KAZN: variants seen among roughly 807,000 people sequenced by gnomAD.
The protein encoded by KAZN is kazrin, periplakin interacting protein.
Under a neutral mutation model 87.4 loss-of-function variants are expected in KAZN, and 40 were observed. That is an observed-to-expected ratio of 0.46 (90% CI 0.36 to 0.60). The LOEUF (loss-of-function observed/expected upper bound fraction) is 0.60. Among genes scored for constraint, KAZN ranks in the 20% least tolerant of loss-of-function variants. The pLI is 0.00. For missense variants in KAZN, 898 were observed against 1,073.9 expected, an observed-to-expected ratio of 0.84 and a Z score of 2.29; for synonymous variants, 466 against 458.3, an observed-to-expected ratio of 1.02 and a Z score of -0.22.
chr1:14,804,132 T>C (rs1646129281), intron 1 of KAZN, among the ~76,000 whole-genome samples: 2 of 152,228 alleles, frequency 1.3e-5, no homozygotes, highest in Non-Finnish European at 2.9e-5. Flanking sequence ...CCTGGTGTCA[T>C]CTTTGGACAT....
At chr1:14,125,667 C>A (rs1644848616) in intron 1 of KAZN, among the ~76,000 whole-genome samples, 1 of 152,122 alleles carries the variant, frequency 6.6e-6, no homozygotes, top group African/African-American at 2.4e-5. Context: ...CAACTCCAGC[C>A]TTCAGAACTG....
In KAZN at chr1:14,873,073, TGGATGGATGGATGGAA is replaced by T. The variant is rs1185399643; in HGVS notation, c.227-87595_227-87580del. ...GTGGGTGGATGGATGGATGGGTGGATGGATGGATGGATGGAAGGATGGATGGATGGACAGATAGATG... is the reference window on the plus strand; with the variant it reads ...GTGGGTGGATGGATGGATGGGTGGATGGATGGATGGATGGACAGATAGATG... On this transcript the variant is annotated intron_variant, in intron 1 of 14. Transcript: ENST00000376030. Among the ~76,000 whole-genome samples, 11 of 145,236 alleles carry T rather than the reference TGGATGGATGGATGGAA, an allele frequency of 7.6e-5. No individual in the cohort carries two copies. The East Asian group carries it at 2.1e-3, about 28-fold the overall frequency.
chr1:14,623,788 T>C (rs544242532), intron 1 of KAZN, among the ~76,000 whole-genome samples: 3 of 152,330 alleles, frequency 2.0e-5, no homozygotes, highest in South Asian at 2.1e-4. Context: ...AATTGACTGA[T>C]AGTTTATTAG....
In KAZN at chr1:14,383,281, T is replaced by G. The variant is rs754994148; in HGVS notation, c.249+202689T>G. Among the ~76,000 whole-genome samples, 272 of 149,840 alleles carry G rather than the reference T, an allele frequency of 1.8e-3. No homozygotes were observed. In the South Asian group the frequency reaches 0.021, roughly 11 times the overall value. ...TTTGTAGGTTGCCTGTTCACTCTGA[T>G]GGTAGTTTCTTTTGCTGTGCAGAAG... On this transcript the variant is annotated intron_variant, in intron 2 of 16. Transcript: ENST00000636203.
At chr1:14,434,590 C>T (rs1402711885) in intron 2 of KAZN, among the ~76,000 whole-genome samples, 2 of 152,216 alleles carry the variant, frequency 1.3e-5, no homozygotes, top group East Asian at 3.8e-4. Flanking sequence ...GATGATGGAG[C>T]TGGCTGAGAA....
intron 1 of KAZN, among the ~76,000 whole-genome samples, chr1:13,983,441 C>T (rs576314530): frequency 9.2e-5 from 14 of 152,362 alleles, no homozygotes; most frequent in East Asian, 3.9e-4. Context: ...CCAACAGGGC[C>T]GGCCGGCTGC....
At chr1:14,928,456 A>C (rs1170318732) in intron 1 of KAZN, among the ~76,000 whole-genome samples, 1 of 128,470 alleles carries the variant, frequency 7.8e-6, no homozygotes, top group East Asian at 2.8e-4. Context: ...CTCAAAAAAA[A>C]AACAAAAAAA....
intron 1 of KAZN, among the ~76,000 whole-genome samples, chr1:14,165,550 C>T (rs543138247): frequency 6.6e-6 from 1 of 152,214 alleles, no homozygotes; most frequent in African/African-American, 2.4e-5. Flanking sequence ...TCTGGTCTTG[C>T]ATAATAAAAT....
intron 2 of KAZN, among the ~76,000 whole-genome samples, chr1:14,568,447 G>A (rs55633715): frequency 1.3e-5 from 2 of 152,104 alleles, no homozygotes; most frequent in Non-Finnish European, 2.9e-5. Flanking sequence ...GGCCGGAGAG[G>A]CTTCACAATC....
intron 1 of KAZN, among the ~76,000 whole-genome samples, chr1:14,932,478 C>A (rs1557634377): frequency 6.6e-6 from 1 of 152,214 alleles, no homozygotes; most frequent in Non-Finnish European, 1.5e-5. Context: ...CCCTCCCCTG[C>A]ATGGTAGCCC....
intron 1 of KAZN, among the ~76,000 whole-genome samples, chr1:14,106,891 AT>A (rs1322399013): frequency 6.6e-6 from 1 of 151,540 alleles, no homozygotes; most frequent in East Asian, 1.9e-4. Context: ...AGATTAAATC[AT>A]TTTTTACCAG....
chr1:14,742,615 C>T (rs141656963), intron 1 of KAZN, among the ~76,000 whole-genome samples: 28 of 152,286 alleles, frequency 1.8e-4, no homozygotes, highest in Middle Eastern at 6.8e-3. Context: ...TGCTTTTTCT[C>T]GCTTGTTGTG....
At chr1:14,220,427 G>A (rs908200955) in intron 2 of KAZN, among the ~76,000 whole-genome samples, 17 of 152,094 alleles carry the variant, frequency 1.1e-4, no homozygotes, top group Admixed American at 1.1e-3. Flanking sequence ...TGTGTTTGTT[G>A]TCTTAAACTT....
chr1:14,971,167 A>C (rs988071763), intron 2 of KAZN, among the ~76,000 whole-genome samples: 2 of 152,202 alleles, frequency 1.3e-5, no homozygotes, highest in African/African-American at 4.8e-5. Context: ...TGAGAGGCCA[A>C]GGCGGGCGAA....
intron 2 of KAZN, among the ~76,000 whole-genome samples, chr1:14,280,114 G>A (rs2100711791): frequency 6.6e-6 from 1 of 152,198 alleles, no homozygotes; most frequent in South Asian, 2.1e-4. Flanking sequence ...TGTAATCCCA[G>A]CGCTTCGGGA....
At chr1:14,995,571 C>A (rs1005190937) in intron 2 of KAZN, among the ~76,000 whole-genome samples, 12 of 151,940 alleles carry the variant, frequency 7.9e-5, no homozygotes, top group Non-Finnish European at 1.5e-4. Context: ...TTGCAGTGAG[C>A]CCAGATTGCG....
Position 14,399,731 on chromosome 1 carries a change from G to A in KAZN, c.250-199252G>A, listed in dbSNP as rs182843349. On this transcript the variant is annotated intron_variant, in intron 2 of 16. Transcript: ENST00000636203. ...CTTCCCACATGCTGCTCTGCTCTGA[G>A]ATCAAAACCCCTACCTGTGCTTCAA... 1.7e-3 allele frequency among the ~76,000 whole-genome samples: 256 copies of A among 152,180 alleles called. 2 individuals carry two copies. In the Middle Eastern group the frequency reaches 0.02, roughly 12 times the overall value.
intron 2 of KAZN, among the ~76,000 whole-genome samples, chr1:14,324,704 G>A (rs1180048438): frequency 1.3e-5 from 2 of 152,104 alleles, no homozygotes; most frequent in East Asian, 3.9e-4. Context: ...TCGCACTACT[G>A]TTATTACTCC....
intron 2 of KAZN, among the ~76,000 whole-genome samples, chr1:14,418,916 T>A (rs536111535): frequency 6.6e-6 from 1 of 152,322 alleles, no homozygotes; most frequent in African/African-American, 2.4e-5. Flanking sequence ...GATGGCTGGA[T>A]GGGGGTTTGT....
Sources: gnomAD v4.1 joint callset for allele counts (sites outside exome capture counted in the v4.1 genomes callset) on GRCh38, gnomAD v4.1.1 for gene constraint, MANE v1.5 for transcripts, NCBI Gene and HGNC (gene_info 2026-07-23, HGNC 2026-07-21) for gene names.